Variants in CEP135 observed in about 807,000 individuals in gnomAD.
The protein encoded by CEP135 is centrosomal protein of 135 kDa.
In CEP135, 142 loss-of-function variants were observed where a neutral mutation model predicts 157.3. That is an observed-to-expected ratio of 0.90 (90% confidence interval 0.79 to 1.04). The LOEUF is 1.04. CEP135 is among the 50% of genes least tolerant of loss of function. The pLI is 0.00. For missense variants in CEP135, 1,317 were observed against 1,309.2 expected (o/e 1.01, Z -0.09); for synonymous variants, 396 against 439.8 (o/e 0.90, Z 1.25).
Position 56,016,094 on chromosome 4 carries a change from G to A in CEP135, c.2803-1554G>A, listed in dbSNP as rs754669253. Among the ~76,000 whole-genome samples, 11 of 152,160 alleles carry A rather than the reference G, an allele frequency of 7.2e-5. 1 individual carries two copies. The highest frequency in any genetic ancestry group is 2.6e-4 in the Admixed American group (4 of 15,284). ...GATGAGGGAAATTTAGATACAGTACGTACAGAGAAGGCTGTGTGAAGATGG... is the reference window on the plus strand; with the variant it reads ...GATGAGGGAAATTTAGATACAGTACATACAGAGAAGGCTGTGTGAAGATGG... On this transcript the variant is annotated intron_variant, in intron 21 of 25. Transcript: ENST00000257287.
At chr4:55,951,974 C>G (rs1414802450) in intron 1 of CEP135, 112 bp from the exon 2 acceptor site, 1 of 474,612 alleles carries the variant, frequency 2.1e-6, no homozygotes, top group Non-Finnish European at 3.9e-6. Flanking sequence ...AGGCTACCTA[C>G]CTGAAGAAAA....
chr4:56,017,808 A>G lies in CEP135; in HGVS notation c.2963A>G (p.Lys988Arg). ...CTTTGCATTAAACTTGATTCAGGCA[A>G]AGATATTATGACCCAGCAATTGAAT... Reference protein sequence around the residue: ...RELCIKLDSGKDIMTQQLNSK... With the variant: ...RELCIKLDSGRDIMTQQLNSK... Residue 988 changes from lysine (K) to arginine (R), a missense_variant, in exon 22 of 26, where the codon AAA becomes AGA. Transcript: ENST00000257287. 6.2e-7 allele frequency: 1 copy of G among 1,613,610 alleles called. No homozygotes were observed. Among genetic ancestry groups the G allele is most frequent in the Non-Finnish European group, 8.5e-7 (1 of 1,179,996 alleles).
intron 15 of CEP135, among the ~76,000 whole-genome samples, chr4:55,996,033 T>C (rs1729958758): frequency 6.6e-6 from 1 of 152,254 alleles, no homozygotes; most frequent in African/African-American, 2.4e-5. Context: ...TTAGTTGTTT[T>C]ACTAGGATTT....
intron 11 of CEP135, among the ~76,000 whole-genome samples, chr4:55,977,780 C>T (rs989296723): frequency 2.0e-5 from 3 of 152,190 alleles, no homozygotes; most frequent in African/African-American, 7.2e-5. Context: ...AACATTCCTC[C>T]AGACTAACTG....
chr4:55,985,270 T>C lies in CEP135; in HGVS notation c.1780-11T>C. On this transcript the variant is annotated splice_polypyrimidine_tract_variant and intron_variant, in intron 13 of 25. Transcript: ENST00000257287. ...ATACAAATGAACATTTTCTTTAACA[T>C]TCTTTTTCAGCATATTGAAGAAGTG... The C allele has an allele frequency of 2.0e-6, 3 of 1,485,024 alleles. No individual in the cohort carries two copies. The highest frequency in any genetic ancestry group is 2.8e-6 in the Non-Finnish European group (3 of 1,068,148). 92.0% of individuals were successfully genotyped at this position (1,485,024 alleles called of 1,614,324 possible).
At chr4:55,953,057 C>T in intron 2 of CEP135, 28 bp from the exon 3 acceptor site, 1 of 1,493,496 alleles carries the variant, frequency 6.7e-7, no homozygotes, top group South Asian at 1.3e-5. Context: ...GAAATATTTC[C>T]TGGTATTTAA....
chr4:55,966,281 C>G (rs945526853), intron 8 of CEP135: 28 of 157,136 alleles, frequency 1.8e-4, no homozygotes, highest in Non-Finnish European at 3.6e-4. Context: ...CAACCCCCGT[C>G]TCCCCAGTTC....
At chr4:56,001,699 T>G (rs560069010) in intron 17 of CEP135, among the ~76,000 whole-genome samples, 5 of 152,228 alleles carry the variant, frequency 3.3e-5, no homozygotes, top group Admixed American at 2.0e-4. Context: ...TCCAGCTTTG[T>G]TTTTTTGCTC....
At chr4:56,009,043 C>T (rs1169749900) in intron 18 of CEP135, among the ~76,000 whole-genome samples, 1 of 152,272 alleles carries the variant, frequency 6.6e-6, no homozygotes, top group Admixed American at 6.5e-5. Context: ...AGACTGCAGG[C>T]GTGTGCCACC....
At chr4:56,016,035 G>A (rs766666227) in intron 21 of CEP135, among the ~76,000 whole-genome samples, 4 of 152,176 alleles carry the variant, frequency 2.6e-5, no homozygotes, top group Non-Finnish European at 5.9e-5. Context: ...ATTAAGGCAG[G>A]CCCTAACCTA....
intron 6 of CEP135, chr4:55,960,925 C>CAAAAAAAAAAAA (rs60103294): frequency 2.6e-5 from 1 of 38,578 alleles, no homozygotes; most frequent in Non-Finnish European, 4.7e-5. Flanking sequence ...GACTCCGTCT[C>CAAAAAAAAAAAA]AAAAAAAAAA....
At chr4:55,971,552 G>A in intron 10 of CEP135, 144 bp downstream of exon 10, 1 of 763,968 alleles carries the variant, frequency 1.3e-6, no homozygotes, top group Non-Finnish European at 2.0e-6. Flanking sequence ...AGTAGTTACT[G>A]TAGATACAGT....
At chr4:55,956,257 A>C (rs554836702) in intron 4 of CEP135, among the ~76,000 whole-genome samples, 1 of 152,108 alleles carries the variant, frequency 6.6e-6, no homozygotes, top group African/African-American at 2.4e-5. Context: ...AAAATTGTGG[A>C]TTATGTTTGT....
At chr4:55,970,870 T>G (rs2109666435) in intron 9 of CEP135, among the ~76,000 whole-genome samples, 1 of 152,306 alleles carries the variant, frequency 6.6e-6, no homozygotes, top group African/African-American at 2.4e-5. Context: ...ATCCTTGTTG[T>G]GCATATGAGG....
intron 12 of CEP135, among the ~76,000 whole-genome samples, chr4:55,980,646 A>G (rs1729371820): frequency 6.6e-6 from 1 of 152,142 alleles, no homozygotes; most frequent in Admixed American, 6.5e-5. Context: ...AGCACCCACT[A>G]TTTGGATATA....
intron 17 of CEP135, among the ~76,000 whole-genome samples, chr4:56,003,126 T>G (rs1397336155): frequency 1.3e-5 from 2 of 152,192 alleles, no homozygotes; most frequent in African/African-American, 4.8e-5. Flanking sequence ...TAGTCAACCT[T>G]AAAGGTTTGT....
At chr4:56,008,543 ATCT>A (rs1267270845) in intron 18 of CEP135, among the ~76,000 whole-genome samples, 161 bp downstream of exon 18, 1 of 152,136 alleles carries the variant, frequency 6.6e-6, no homozygotes, top group African/African-American at 2.4e-5. Context: ...TGAAAATGTT[ATCT>A]TCTTTAACCT....
intron 15 of CEP135, among the ~76,000 whole-genome samples, chr4:55,998,927 A>G (rs1730066044): frequency 6.6e-6 from 1 of 152,210 alleles, no homozygotes; most frequent in African/African-American, 2.4e-5. Context: ...GTGCTTTGAA[A>G]TGCCAGGTCA....
intron 13 of CEP135, among the ~76,000 whole-genome samples, chr4:55,983,898 T>A (rs1429571158): frequency 6.6e-6 from 1 of 152,158 alleles, no homozygotes; most frequent in Non-Finnish European, 1.5e-5. Context: ...TTGCCCAAGG[T>A]CATCCAGCTA....
Sources: gnomAD v4.1 joint callset for allele counts (sites outside exome capture counted in the v4.1 genomes callset) on GRCh38, gnomAD v4.1.1 for gene constraint, MANE v1.5 for transcripts, NCBI Gene and HGNC (gene_info 2026-07-23, HGNC 2026-07-21) for gene names.